ST18: variants seen among roughly 807,000 people sequenced by gnomAD.
ST18 encodes the protein suppression of tumorigenicity 18 protein.
ST18 carries 50 observed loss-of-function variants against 110.0 expected under a neutral mutation model. The ratio of observed to expected loss-of-function variants is 0.45; its 90% CI spans 0.36 to 0.58. The LOEUF is 0.58. Ranked by LOEUF, ST18 falls within the 20% of genes least tolerant of loss-of-function variation. The pLI is 0.00. For missense variants in ST18, 1,306 were observed against 1,280.1 expected, an observed-to-expected ratio of 1.02 and a Z score of -0.31; for synonymous variants, 461 against 452.4, an observed-to-expected ratio of 1.02 and a Z score of -0.24.
chr8:52,241,259 GT>G (rs1225756016), intron 2 of ST18, among the ~76,000 whole-genome samples: 4 of 152,214 alleles, frequency 2.6e-5, no homozygotes, highest in African/African-American at 9.6e-5. Flanking sequence ...TGCTCAATAT[GT>G]TTGTTGAATG....
intron 9 of ST18, among the ~76,000 whole-genome samples, chr8:52,179,661 A>T (rs1053268999): frequency 5.3e-5 from 8 of 149,812 alleles, no homozygotes; most frequent in African/African-American, 7.6e-5. Flanking sequence ...AAAAAAAATT[A>T]AAAAAAATTT....
At chr8:52,209,937 C>G in intron 8 of ST18, 1 of 369,396 alleles carries the variant, frequency 2.7e-6, no homozygotes. Flanking sequence ...AACTTTTTCT[C>G]TATGAATTAT....
chr8:52,174,277 C>A (rs2066076239), intron 9 of ST18, among the ~76,000 whole-genome samples: 1 of 152,094 alleles, frequency 6.6e-6, no homozygotes, highest in African/African-American at 2.4e-5. Flanking sequence ...GTCTAAAATG[C>A]AAATGAAGTT....
intron 2 of ST18, among the ~76,000 whole-genome samples, chr8:52,277,834 G>T (rs1422413809): frequency 6.6e-6 from 1 of 152,106 alleles, no homozygotes; most frequent in Non-Finnish European, 1.5e-5. Context: ...AAGAAAAAGT[G>T]ATCCTTTGAG....
At chr8:52,167,080 T>G in intron 10 of ST18, 94 bp from the exon 11 acceptor site, 1 of 1,480,420 alleles carries the variant, frequency 6.8e-7, no homozygotes. Context: ...TCTCACTTTA[T>G]TCAGTTTTAC....
chr8:52,172,705 A>G (rs540582099), intron 9 of ST18, 122 bp from the exon 10 acceptor site: 1 of 661,824 alleles, frequency 1.5e-6, no homozygotes, highest in African/African-American at 1.8e-5. Context: ...ACATACATAT[A>G]TGTACACATA....
At chr8:52,136,310 CTG>C (rs949551061) in intron 19 of ST18, among the ~76,000 whole-genome samples, 4 of 152,168 alleles carry the variant, frequency 2.6e-5, no homozygotes, top group African/African-American at 4.8e-5. Context: ...AATACATAGA[CTG>C]TGAAATTTAC....
intron 2 of ST18, among the ~76,000 whole-genome samples, chr8:52,379,228 G>T (rs1833599858): frequency 6.6e-6 from 1 of 151,624 alleles, no homozygotes; most frequent in African/African-American, 2.4e-5. Flanking sequence ...CCCCCGAGTA[G>T]CTGGGATTAC....
intron 2 of ST18, among the ~76,000 whole-genome samples, chr8:52,270,711 G>C (rs1037611564): frequency 6.6e-6 from 1 of 152,086 alleles, no homozygotes; most frequent in Admixed American, 6.5e-5. Context: ...GTAGGTAAGT[G>C]GTTGTTTGGG....
At position 52,118,330 on chromosome 8, in the gene ST18, T is replaced by A; in HGVS notation, c.2859+8A>T. On this transcript the variant is annotated splice_region_variant and intron_variant, in intron 24 of 25. Coordinates refer to ENST00000689386, the MANE Select transcript of ST18 (RefSeq NM_001352837.2). The stretch of plus-strand genomic sequence containing the variant: ...CATTAAGGATCATGAATTACTTCTT[T>A]TTTTTACCTGGGTCTGAAGTTTCAT... 6.3e-7 allele frequency: 1 copy of A among 1,575,360 alleles called. No homozygotes were observed. The highest frequency in any genetic ancestry group is 8.7e-7 in the Non-Finnish European group (1 of 1,154,986).
chr8:52,262,513 C>A (rs1168407106), intron 2 of ST18, among the ~76,000 whole-genome samples: 4 of 152,254 alleles, frequency 2.6e-5, no homozygotes, highest in African/African-American at 7.2e-5. Flanking sequence ...TCCAGTGAAT[C>A]TGAGTCCTGA....
chr8:52,271,060 A>G (rs1317349098), intron 2 of ST18, among the ~76,000 whole-genome samples: 1 of 151,820 alleles, frequency 6.6e-6, no homozygotes, highest in African/African-American at 2.4e-5. Flanking sequence ...CGCCACGCCC[A>G]GCTAATTTTT....
intron 19 of ST18, among the ~76,000 whole-genome samples, chr8:52,134,053 T>C (rs1363175448): frequency 2.0e-5 from 3 of 152,176 alleles, no homozygotes; most frequent in African/African-American, 7.2e-5. Context: ...TTATGAATAA[T>C]TTATTTTCTC....
intron 11 of ST18, 64 bp downstream of exon 11, chr8:52,166,788 G>A: frequency 7.1e-7 from 1 of 1,409,558 alleles, no homozygotes; most frequent in Non-Finnish European, 9.3e-7. Context: ...GGGAGACAAA[G>A]AGGATAACAT....
chr8:52,346,190 T>C (rs1817693282), intron 2 of ST18, among the ~76,000 whole-genome samples: 1 of 151,100 alleles, frequency 6.6e-6, no homozygotes, highest in Admixed American at 6.6e-5. Context: ...TTATTATTAT[T>C]ACACTTTAAG....
intron 8 of ST18, among the ~76,000 whole-genome samples, chr8:52,186,895 T>A (rs961996538): frequency 6.6e-6 from 1 of 152,140 alleles, no homozygotes; most frequent in Non-Finnish European, 1.5e-5. Context: ...GTGGGAGGTA[T>A]GAAGGAAATG....
At chr8:52,267,993 CA>C (rs1409515548) in intron 2 of ST18, among the ~76,000 whole-genome samples, 2 of 152,174 alleles carry the variant, frequency 1.3e-5, no homozygotes, top group African/African-American at 2.4e-5. Flanking sequence ...GATCATAGTT[CA>C]CCCCAAAATA....
intron 8 of ST18, chr8:52,201,239 G>A (rs766895476): frequency 6.6e-6 from 1 of 152,312 alleles, no homozygotes; most frequent in Non-Finnish European, 1.5e-5. Flanking sequence ...CGCAGAGCTT[G>A]CTGATCTTCC....
intron 2 of ST18, among the ~76,000 whole-genome samples, chr8:52,375,678 C>T (rs903192234): frequency 5.9e-5 from 9 of 152,306 alleles, no homozygotes; most frequent in African/African-American, 1.9e-4. Flanking sequence ...TTTAAACACC[C>T]TCCGTATGCC....
Sources: gnomAD v4.1 joint callset for allele counts (sites outside exome capture counted in the v4.1 genomes callset) on GRCh38, gnomAD v4.1.1 for gene constraint, MANE v1.5 for transcripts, NCBI Gene and HGNC (gene_info 2026-07-23, HGNC 2026-07-21) for gene names.